Variants in NCF2 observed in about 807,000 individuals in gnomAD.
NCF2 encodes the protein neutrophil cytosol factor 2.
Under a neutral mutation model 70.9 loss-of-function variants are expected in NCF2, and 45 were observed. The observed-to-expected ratio is 0.63, with a 90% CI of 0.50 to 0.81. NCF2 has a LOEUF of 0.81. NCF2 is among the 40% of genes least tolerant of loss of function. NCF2 has a pLI of 0.00. For missense variants in NCF2, 522 were observed against 631.6 expected (o/e 0.83, Z 1.86); for synonymous variants, 203 against 233.6 (o/e 0.87, Z 1.19).
At chr1:183,578,020 A>G (rs916044341) in intron 2 of NCF2, among the ~76,000 whole-genome samples, 3 of 152,174 alleles carry the variant, frequency 2.0e-5, no homozygotes, top group African/African-American at 7.2e-5. Context: ...TCGCTTTCCG[A>G]TGCAGCTCTC....
At chr1:183,590,726 T>C (rs2333681), upstream of NCF2, 40,013 of 269,494 alleles carry the variant, frequency 0.15, 5,431 homozygotes, top group African/African-American at 0.44. Flanking sequence ...CTGGCCAAAG[T>C]TCTGCTTCTA....
At chr1:183,583,108 A>C (rs1673186732) in intron 2 of NCF2, among the ~76,000 whole-genome samples, 1 of 151,856 alleles carries the variant, frequency 6.6e-6, no homozygotes, top group Non-Finnish European at 1.5e-5. Context: ...GTTGGAGTGC[A>C]GTGGTGTTAT....
intron 13 of NCF2, among the ~76,000 whole-genome samples, chr1:183,561,244 A>G (rs187964606): frequency 6.6e-6 from 1 of 152,378 alleles, no homozygotes; most frequent in Non-Finnish European, 1.5e-5. Flanking sequence ...AAATGCTGCT[A>G]GGCTTGTATG....
At chr1:183,561,483 C>G (rs773660366) in intron 13 of NCF2, among the ~76,000 whole-genome samples, 9 of 152,234 alleles carry the variant, frequency 5.9e-5, no homozygotes, top group Non-Finnish European at 1.0e-4. Context: ...AATGAGATGA[C>G]ATACAATAAT....
chr1:183,589,439 T>A (rs1342050196), intron 1 of NCF2, among the ~76,000 whole-genome samples: 2 of 152,206 alleles, frequency 1.3e-5, no homozygotes, highest in Non-Finnish European at 2.9e-5. Flanking sequence ...TAGGATTCGA[T>A]CCTAGATCTT....
chr1:183,585,449 C>T (rs1260235762), intron 2 of NCF2, among the ~76,000 whole-genome samples: 2 of 152,052 alleles, frequency 1.3e-5, no homozygotes, highest in Non-Finnish European at 1.5e-5. Context: ...CATGGTGAAA[C>T]CCTGTCTCTA....
intron 4 of NCF2, among the ~76,000 whole-genome samples, chr1:183,574,259 C>A (rs1672697973): frequency 6.6e-6 from 1 of 152,190 alleles, no homozygotes; most frequent in Non-Finnish European, 1.5e-5. Flanking sequence ...TGCCAAGGAG[C>A]CCCACTCCAA....
At chr1:183,583,832 A>G (rs1673221420) in intron 2 of NCF2, among the ~76,000 whole-genome samples, 1 of 152,206 alleles carries the variant, frequency 6.6e-6, no homozygotes, top group Non-Finnish European at 1.5e-5. Context: ...TTTATCTTGC[A>G]GTCATGGAAG....
At position 183,556,095 on chromosome 1, in the gene NCF2, A is replaced by C; in HGVS notation, c.*23T>G. ...CAAGTAATAGGGCTTCATTTTCTTC[A>C]GCTTTGTAGTTTGTGAAACATCCTA... On this transcript the variant is annotated 3_prime_UTR_variant, in exon 15 of 15. Coordinates refer to ENST00000367535, the MANE Select transcript of NCF2 (RefSeq NM_000433.4). 1 of 1,586,300 alleles carries C rather than the reference A, an allele frequency of 6.3e-7. No individual in the cohort carries two copies. Among genetic ancestry groups the C allele is most frequent in the Non-Finnish European group, 8.7e-7 (1 of 1,154,642 alleles).
chr1:183,572,125 G>C (rs1672593608), intron 5 of NCF2, among the ~76,000 whole-genome samples: 2 of 152,194 alleles, frequency 1.3e-5, no homozygotes, highest in Admixed American at 1.3e-4. Context: ...TGTGGTTTTG[G>C]AAGGGCACTG....
chr1:183,565,180 A>T (rs1672248167), intron 10 of NCF2, among the ~76,000 whole-genome samples: 1 of 152,202 alleles, frequency 6.6e-6, no homozygotes, highest in Non-Finnish European at 1.5e-5. Flanking sequence ...GCGCTTATCC[A>T]GAATCTGCTT....
At chr1:183,585,784 A>G (rs901051148) in intron 2 of NCF2, among the ~76,000 whole-genome samples, 7 of 152,230 alleles carry the variant, frequency 4.6e-5, no homozygotes, top group African/African-American at 1.4e-4. Context: ...GTTATGAGGT[A>G]TTTGTGCAGG....
intron 2 of NCF2, among the ~76,000 whole-genome samples, chr1:183,581,281 C>A (rs1378451501): frequency 7.3e-4 from 49 of 66,860 alleles, no homozygotes; most frequent in East Asian, 3.1e-3. Context: ...AATCCTGACT[C>A]AAAAAAAAAA....
chr1:183,573,377 G>C, intron 4 of NCF2, 85 bp from the exon 5 acceptor site: 1 of 1,199,256 alleles, frequency 8.3e-7, no homozygotes, highest in Non-Finnish European at 1.2e-6. Flanking sequence ...ATAGATGCAA[G>C]AATTCATTGA....
upstream of NCF2, among the ~76,000 whole-genome samples, chr1:183,592,679 A>C (rs1673707066): frequency 6.6e-6 from 1 of 152,210 alleles, no homozygotes; most frequent in African/African-American, 2.4e-5. Flanking sequence ...TAGCACATTA[A>C]TTATTCCTGA....
At chr1:183,573,331 TG>T in intron 4 of NCF2, 39 bp from the exon 5 acceptor site, 3 of 1,577,440 alleles carry the variant, frequency 1.9e-6, no homozygotes, top group Non-Finnish European at 2.6e-6. Flanking sequence ...TATGTGAAAA[TG>T]GGGGTGACGA....
intron 10 of NCF2, 68 bp downstream of exon 10, chr1:183,565,636 A>G: frequency 1.4e-6 from 2 of 1,474,150 alleles, no homozygotes; most frequent in Non-Finnish European, 1.9e-6. Flanking sequence ...AGGCAGGGAG[A>G]GGAACTCAGG....
chr1:183,601,011 C>T, the NCF2 span, among the ~76,000 whole-genome samples: 6 of 152,142 alleles, frequency 3.9e-5, no homozygotes, highest in Non-Finnish European at 8.8e-5. Context: ...TACTTTAGTT[C>T]CTTAATTTTT....
chr1:183,595,523 C>T (rs929000130), upstream of NCF2, among the ~76,000 whole-genome samples: 1 of 152,178 alleles, frequency 6.6e-6, no homozygotes, highest in Admixed American at 6.5e-5. Context: ...TGCTCAGGGT[C>T]TCACAAGGCT....
Sources: gnomAD v4.1 joint callset for allele counts (sites outside exome capture counted in the v4.1 genomes callset) on GRCh38, gnomAD v4.1.1 for gene constraint, MANE v1.5 for transcripts, NCBI Gene and HGNC (gene_info 2026-07-23, HGNC 2026-07-21) for gene names.